Variants in PPP1R37 observed in about 807,000 individuals in gnomAD.
The protein encoded by PPP1R37 is leucine rich repeat containing 68.
Under a neutral mutation model 61.0 loss-of-function variants are expected in PPP1R37, and 21 were observed. The observed-to-expected ratio is 0.34, with a 90% confidence interval of 0.24 to 0.50. The LOEUF is 0.50. Among genes scored for constraint, PPP1R37 ranks in the 20% least tolerant of loss-of-function variants. The pLI, the probability that PPP1R37 is intolerant of heterozygous loss-of-function variation, is 0.98. For missense variants in PPP1R37, 910 were observed against 952.7 expected (o/e 0.96, Z 0.59); for synonymous variants, 443 against 433.5 (o/e 1.02, Z -0.27).
chr19:45,120,081 G>A (rs532865461), intron 1 of PPP1R37, among the ~76,000 whole-genome samples: 152 of 139,440 alleles, frequency 1.1e-3, no homozygotes, highest in African/African-American at 4.0e-3. Flanking sequence ...GCAGTGGCGC[G>A]ATCTCCGCTC....
chr19:45,107,033 G>T (rs1168806113), intron 1 of PPP1R37, among the ~76,000 whole-genome samples: 1 of 151,514 alleles, frequency 6.6e-6, no homozygotes, highest in Non-Finnish European at 1.5e-5. Context: ...AGCCAGGATG[G>T]TCTCAATCTC....
intron 1 of PPP1R37, among the ~76,000 whole-genome samples, chr19:45,098,471 C>A (rs1043931590): frequency 6.6e-6 from 1 of 152,190 alleles, no homozygotes; most frequent in African/African-American, 2.4e-5. Context: ...CCAGTCCTGC[C>A]GGTGACTCAC....
intron 1 of PPP1R37, among the ~76,000 whole-genome samples, chr19:45,096,077 T>C (rs918802955): frequency 6.6e-6 from 1 of 152,058 alleles, no homozygotes; most frequent in Non-Finnish European, 1.5e-5. Flanking sequence ...TGAAGTCACA[T>C]ATGGAAAGGA....
chr19:45,141,543 G>C (rs1434072734), intron 5 of PPP1R37, 102 bp downstream of exon 5: 4 of 1,397,204 alleles, frequency 2.9e-6, no homozygotes, highest in East Asian at 5.0e-5. Context: ...ATGAGCTCTT[G>C]AGTGTGGGCT....
chr19:45,105,735 C>T (rs1191035233), intron 1 of PPP1R37, among the ~76,000 whole-genome samples: 8 of 152,304 alleles, frequency 5.3e-5, no homozygotes, highest in Admixed American at 2.0e-4. Context: ...GTCAGTGTTC[C>T]GTTTCCCTGG....
At chr19:45,141,059 C>T (rs1407188399) in intron 4 of PPP1R37, among the ~76,000 whole-genome samples, 2 of 152,184 alleles carry the variant, frequency 1.3e-5, no homozygotes, top group East Asian at 1.9e-4. Context: ...GGCTCAGGAA[C>T]ACCAAGGCCT....
At chr19:45,143,829 A>G (rs535365985) in intron 8 of PPP1R37, 196 bp downstream of exon 8, 63 of 460,404 alleles carry the variant, frequency 1.4e-4, no homozygotes, top group African/African-American at 1.3e-3. Context: ...CCCTTCTTTC[A>G]TTATCTCCTT....
At chr19:45,099,604 C>A (rs10409727) in intron 1 of PPP1R37, among the ~76,000 whole-genome samples, 1 of 152,160 alleles carries the variant, frequency 6.6e-6, no homozygotes, top group Non-Finnish European at 1.5e-5. Flanking sequence ...CGCCGCTCTC[C>A]GTGCCTGTAC....
chr19:45,112,219 C>G (rs978954465), intron 1 of PPP1R37, among the ~76,000 whole-genome samples: 3 of 115,300 alleles, frequency 2.6e-5, no homozygotes, highest in Non-Finnish European at 4.0e-5. Flanking sequence ...AAGTGATCCG[C>G]CCGCCTCTGC....
intron 1 of PPP1R37, among the ~76,000 whole-genome samples, chr19:45,106,623 C>T (rs976028185): frequency 2.0e-5 from 3 of 151,984 alleles, no homozygotes; most frequent in Non-Finnish European, 2.9e-5. Flanking sequence ...GCAGCCTCCA[C>T]CTCCCAGGCT....
chr19:45,094,861 G>A (rs889165697), intron 1 of PPP1R37, among the ~76,000 whole-genome samples: 6 of 152,218 alleles, frequency 3.9e-5, no homozygotes, highest in Admixed American at 3.3e-4. Flanking sequence ...ACTGGAGAGG[G>A]TCAGGTCAGT....
At chr19:45,114,932 C>T (rs1968245919) in intron 1 of PPP1R37, among the ~76,000 whole-genome samples, 1 of 152,182 alleles carries the variant, frequency 6.6e-6, no homozygotes, top group Admixed American at 6.5e-5. Context: ...CCCCTAACTC[C>T]CCCTACACAT....
chr19:45,142,537 G>A (rs535901745), intron 7 of PPP1R37, 79 bp downstream of exon 7: 1 of 1,417,858 alleles, frequency 7.1e-7, no homozygotes, highest in Non-Finnish European at 9.5e-7. Context: ...TGGTGCTGGG[G>A]ACACAGACAT....
Position 45,146,842 on chromosome 19 carries a change from A to T in PPP1R37, c.*280A>T, listed in dbSNP as rs1968709461. ...CAGGAGGAGGAGGAGGTCTCCAAGG[A>T]CATCAGGCGCCTGTTCTGGAGGGGC... is the stretch of plus-strand genomic sequence containing the variant. On this transcript the variant is annotated 3_prime_UTR_variant, in exon 13 of 13. Coordinates refer to ENST00000221462, the MANE Select transcript of PPP1R37 (RefSeq NM_019121.2). 1 of 208,192 alleles carries T rather than the reference A, an allele frequency of 4.8e-6. No homozygotes were observed. The highest frequency in any genetic ancestry group is 6.5e-5 in the South Asian group (1 of 15,278). 12.9% of individuals were successfully genotyped at this position (208,192 alleles called of 1,614,324 possible).
Position 45,146,776 on chromosome 19 carries a change from C to T in PPP1R37, c.*214C>T. The T allele has an allele frequency of 6.1e-6, 2 of 327,930 alleles. No homozygotes were observed. The highest frequency in any genetic ancestry group is 5.7e-5 in the South Asian group (2 of 35,328). 20.3% of individuals were successfully genotyped at this position (327,930 alleles called of 1,614,324 possible). On this transcript the variant is annotated 3_prime_UTR_variant, in exon 13 of 13. Coordinates refer to ENST00000221462, the MANE Select transcript of PPP1R37 (RefSeq NM_019121.2). ...ACTCAAGCACTTCTATTTATGAGCCCAGCACTGGAAGACTCTGGGGGTGAA... is the reference window on the plus strand; with the variant it reads ...ACTCAAGCACTTCTATTTATGAGCCTAGCACTGGAAGACTCTGGGGGTGAA...
At chr19:45,100,307 C>G (rs1173468102) in intron 1 of PPP1R37, 2 of 152,192 alleles carry the variant, frequency 1.3e-5, no homozygotes, top group Admixed American at 6.5e-5. Context: ...TGCAGAAATT[C>G]AAGCTGAGCC....
Position 45,141,420 on chromosome 19 carries a change from G to A in PPP1R37, c.546G>A (p.Ala182=), listed in dbSNP as rs1313415702. 7.2e-6 allele frequency: 11 copies of A among 1,535,780 alleles called. No individual in the cohort carries two copies. In the East Asian group the frequency reaches 7.3e-5, roughly 10 times the overall value. Reference sequence around the variant, plus strand: ...ACATCGGCACCCGGGGCTGGCAGGCGGCCGCCCACATGATGCGCAAGGTGG... The same window carrying A: ...ACATCGGCACCCGGGGCTGGCAGGCAGCCGCCCACATGATGCGCAAGGTGG... ...NKHIGTRGWQ[A]AAHMMRKTSC... The change falls in exon 5 of 13, where the codon GCG becomes GCA. Residue 182 remains alanine, a synonymous_variant. Coordinates refer to ENST00000221462, the MANE Select transcript of PPP1R37 (RefSeq NM_019121.2).
rs184178093 is a variant in PPP1R37, at chr19:45,125,508, C to T, written c.203-13006C>T. Among the ~76,000 whole-genome samples, 185 of 152,280 alleles carry T rather than the reference C, an allele frequency of 1.2e-3. 3 individuals are homozygous for T. The highest frequency in any genetic ancestry group is 4.4e-4 in the Non-Finnish European group (30 of 68,024). The stretch of plus-strand genomic sequence containing the variant: ...CTTTCCTCTGAGCTGGCTTCATTCG[C>T]GGAAGGCTGTTCCCTCCTGATGGGT... On this transcript the variant is annotated intron_variant, in intron 1 of 12. Transcript: ENST00000221462.
In PPP1R37 at chr19:45,143,667, G is replaced by A. The variant is rs1297695016; in HGVS notation, c.987+34G>A. The A allele has an allele frequency of 1.5e-5, 19 of 1,296,848 alleles. No individual in the cohort carries two copies. In the East Asian group the frequency reaches 1.8e-4, roughly 12 times the overall value. The allele number at this position is 1,296,848 out of a possible 1,614,324, so 80.3% of individuals were successfully genotyped here. On this transcript the variant is annotated intron_variant, in intron 8 of 12. Transcript: ENST00000221462. ...GGCTGGCAGGGAAGGGAGGCACCTC[G>A]GTCCCCGCTGCCACCTCCCACTCCA...
Sources: allele counts gnomAD v4.1 joint callset (sites outside exome capture counted in the v4.1 genomes callset), GRCh38; gene constraint gnomAD v4.1.1; transcripts MANE v1.5; gene names NCBI Gene and HGNC (gene_info 2026-07-23, HGNC 2026-07-21).